The following ABLIM2 variants were observed in gnomAD, a reference collection of about 807,000 sequenced individuals.
ABLIM2 encodes actin binding LIM protein family member 2.
In ABLIM2, 53 loss-of-function variants were observed where a neutral mutation model predicts 97.7. The ratio of observed to expected loss-of-function variants is 0.54; its 90% CI spans 0.44 to 0.68. The LOEUF (loss-of-function observed/expected upper bound fraction) is 0.68, where lower values mean the gene tolerates loss of function less well. ABLIM2 is among the 30% of genes least tolerant of loss of function. The pLI, the probability that ABLIM2 is intolerant of heterozygous loss-of-function variation, is 0.00. For missense variants in ABLIM2, 835 were observed against 867.2 expected, an observed-to-expected ratio of 0.96 and a Z score of 0.47; for synonymous variants, 361 against 345.8, an observed-to-expected ratio of 1.04 and a Z score of -0.49.
chr4:8,061,593 C>T lies in ABLIM2; in HGVS notation c.676-539G>A, dbSNP rs1260738689. On this transcript the variant is annotated intron_variant, in intron 6 of 20. Coordinates refer to ENST00000447017, the MANE Select transcript of ABLIM2 (RefSeq NM_001130083.2). The surrounding 1 kb of genome is among the most constrained non-coding windows in gnomAD (Gnocchi z 4.5). ...AGTTTATTAAATTAGACTACAAATG[C>T]TAATACTGAAATAACCCAAACAAAC... Among the ~76,000 whole-genome samples the T allele has an allele frequency of 1.3e-5, 2 of 151,542 alleles. No homozygotes were observed. Among genetic ancestry groups the T allele is most frequent in the African/African-American group, 2.4e-5 (1 of 41,140 alleles).
intron 6 of ABLIM2, among the ~76,000 whole-genome samples, chr4:8,065,485 C>T (rs186804836): frequency 5.3e-5 from 8 of 152,282 alleles, no homozygotes; most frequent in Admixed American, 2.0e-4. Flanking sequence ...CAGGAGCCCT[C>T]GTGCGCTGCT....
intron 16 of ABLIM2, among the ~76,000 whole-genome samples, chr4:7,994,222 A>G (rs1751415292): frequency 2.6e-5 from 1 of 37,914 alleles, no homozygotes; most frequent in African/African-American, 6.9e-5. Context: ...AGCATTAGGT[A>G]TATCTCCCAA....
In ABLIM2 at chr4:8,095,184, G is replaced by C. The variant is rs943875679; in HGVS notation, c.338+1915C>G. Among the ~76,000 whole-genome samples, 5 of 151,654 alleles carry C rather than the reference G, an allele frequency of 3.3e-5. No individual in the cohort carries two copies. The highest frequency in any genetic ancestry group is 1.2e-4 in the African/African-American group (5 of 41,200). On this transcript the variant is annotated intron_variant, in intron 3 of 20. Coordinates refer to ENST00000447017, the MANE Select transcript of ABLIM2 (RefSeq NM_001130083.2). The surrounding 1 kb of genome is among the most constrained non-coding windows in gnomAD (Gnocchi z 4.7). ...AGTGGTGCAATCATAGCTCACTGCA[G>C]CCTCAAAATCCTGGGCCCAAGCAAT...
chr4:7,996,190 A>T lies in ABLIM2; in HGVS notation c.1619-3263T>A, dbSNP rs564214183. 5.1e-4 allele frequency among the ~76,000 whole-genome samples: 77 copies of T among 152,276 alleles called. No individual in the cohort carries two copies. The highest frequency in any genetic ancestry group is 1.7e-3 in the African/African-American group (72 of 41,572). On this transcript the variant is annotated intron_variant, in intron 16 of 20. Transcript: ENST00000447017. The surrounding 1 kb of genome is among the most constrained non-coding windows in gnomAD (Gnocchi z 4.5). The stretch of plus-strand genomic sequence containing the variant: ...TTGCCAGGGAACTCGTCAGAAATGC[A>T]AATTAGTGGGCCCTACCCTAGACCT...
Position 8,122,217 on chromosome 4 carries a change from G to A in ABLIM2, c.11-15580C>T, listed in dbSNP as rs976065242. ...CACACCAGCCTGGATGGGGAGTCTCGCTGCCCCCTGTGCATCTCCATCATA... is the reference window on the plus strand; with the variant it reads ...CACACCAGCCTGGATGGGGAGTCTCACTGCCCCCTGTGCATCTCCATCATA... On this transcript the variant is annotated intron_variant, in intron 1 of 20. Transcript: ENST00000447017. The surrounding 1 kb of genome is among the most constrained non-coding windows in gnomAD (Gnocchi z 4.1). 3.9e-5 allele frequency among the ~76,000 whole-genome samples: 6 copies of A among 152,156 alleles called. No individual in the cohort carries two copies. The highest frequency in any genetic ancestry group is 1.2e-4 in the African/African-American group (5 of 41,424).
intron 9 of ABLIM2, among the ~76,000 whole-genome samples, chr4:8,042,502 G>A (rs1199545387): frequency 6.6e-6 from 1 of 152,140 alleles, no homozygotes; most frequent in Non-Finnish European, 1.5e-5. Context: ...CACACATTTT[G>A]TCCAATCATA....
At chr4:8,007,007 A>T in intron 16 of ABLIM2, 3 of 985,146 alleles carry the variant, frequency 3.0e-6, no homozygotes, top group Non-Finnish European at 3.6e-6. Context: ...TACAGAGATC[A>T]TACACAAGCA....
chr4:8,036,057 G>A lies in ABLIM2; in HGVS notation c.1047+92C>T, dbSNP rs971353629. On this transcript the variant is annotated intron_variant, in intron 10 of 20. Coordinates refer to ENST00000447017, the MANE Select transcript of ABLIM2 (RefSeq NM_001130083.2). ...AGTGGTGAAGATGGAAGTGGCTCTGGCCCCATAGGACACATGCTAGGGATG... is the reference window on the plus strand; with the variant it reads ...AGTGGTGAAGATGGAAGTGGCTCTGACCCCATAGGACACATGCTAGGGATG... The A allele has an allele frequency of 2.7e-6, 4 of 1,464,852 alleles. No homozygotes were observed. The Admixed American group carries it at 8.6e-5, about 31-fold the overall frequency. 90.7% of individuals were successfully genotyped at this position (1,464,852 alleles called of 1,614,324 possible). A position where few individuals can be genotyped will look rare whatever the true frequency, so the allele number is the denominator to read the frequency against.
At chr4:8,031,280 C>CAGGGGCCTCTGCAGGG (rs1393378074) in intron 10 of ABLIM2, among the ~76,000 whole-genome samples, 2 of 152,234 alleles carry the variant, frequency 1.3e-5, no homozygotes, top group African/African-American at 4.8e-5. Context: ...CAGCCTGAGA[C>CAGGGGCCTCTGCAGGG]AGGGGCCTCT....
At chr4:8,006,223 G>C (rs182313390) in intron 16 of ABLIM2, among the ~76,000 whole-genome samples, 1 of 152,348 alleles carries the variant, frequency 6.6e-6, no homozygotes, top group South Asian at 2.1e-4. Flanking sequence ...AGTATCAGGG[G>C]CACGGGGGTC....
At position 8,127,067 on chromosome 4, in the gene ABLIM2, A is replaced by AG. The variant is rs1848295267; in HGVS notation, c.11-20431dup. ...GGTGACAGAGTGAGTCCCTGCCTCC[A>AG]GAAAAAAAAAAAAAAAATGCCTGCA... is the stretch of plus-strand genomic sequence containing the variant. On this transcript the variant is annotated intron_variant, in intron 1 of 20. Transcript: ENST00000447017. This position sits in a 1 kb window ranked among gnomAD's most constrained non-coding sequence, Gnocchi z 7.3. Among the ~76,000 whole-genome samples, 4 of 134,534 alleles carry AG rather than the reference A, an allele frequency of 3.0e-5. No individual in the cohort carries two copies. The highest frequency in any genetic ancestry group is 4.9e-4 in the South Asian group (2 of 4,050). 88.3% of individuals were successfully genotyped at this position (134,534 alleles called of 152,430 possible). A position where few individuals can be genotyped will look rare whatever the true frequency, so the allele number is the denominator to read the frequency against.
chr4:8,106,957 C>T (rs890460584), intron 1 of ABLIM2, among the ~76,000 whole-genome samples: 4 of 152,232 alleles, frequency 2.6e-5, no homozygotes, highest in African/African-American at 9.6e-5. Context: ...ATGAGGCCAT[C>T]ACCTCCCCAC....
At position 8,077,713 on chromosome 4, in the gene ABLIM2, A is replaced by T. The variant is rs539605118; in HGVS notation, c.590T>A (p.Leu197Gln). The T allele has an allele frequency of 1.1e-5, 17 of 1,611,632 alleles. No individual in the cohort carries two copies. The East Asian group carries it at 3.6e-4, about 34-fold the overall frequency. ...GTGATAGTCAGCTTCGCAGTAGGGC[A>T]GCCCATCCCTGCAATGAGACAGGCA... is the stretch of plus-strand genomic sequence containing the variant. ...LNAEYISKDGLPYCEADYHAK... is the reference protein window; with the variant it reads ...LNAEYISKDGQPYCEADYHAK... Residue 197 changes from leucine (L) to glutamine (Q), a missense_variant, in exon 6 of 21, where the codon CTG (leucine) becomes CAG (glutamine). Leu to Gln is a moderately radical substitution (Grantham distance 113). Coordinates refer to ENST00000447017, the MANE Select transcript of ABLIM2 (RefSeq NM_001130083.2).
chr4:7,968,282 C>G (rs1025402907), intron 20 of ABLIM2, among the ~76,000 whole-genome samples: 1 of 152,206 alleles, frequency 6.6e-6, no homozygotes, highest in Admixed American at 6.5e-5. Context: ...TGTAGTTCTG[C>G]GACACACTCC....
rs1845060180 is a variant in ABLIM2, at chr4:8,120,778, C to T, written c.11-14141G>A. 6.6e-6 allele frequency among the ~76,000 whole-genome samples: 1 copy of T among 152,214 alleles called. No homozygotes were observed. The highest frequency in any genetic ancestry group is 2.1e-4 in the South Asian group (1 of 4,834). ...TGAGACTTCACTGACTTCACCTAAC[C>T]TAGCGACCATCACAGCTCAGCCCAG... is the stretch of plus-strand genomic sequence containing the variant. On this transcript the variant is annotated intron_variant, in intron 1 of 20. Transcript: ENST00000447017. This position sits in a 1 kb window ranked among gnomAD's most constrained non-coding sequence, Gnocchi z 5.6.
At chr4:8,062,584 C>T (rs1315237590) in intron 6 of ABLIM2, among the ~76,000 whole-genome samples, 2 of 151,872 alleles carry the variant, frequency 1.3e-5, no homozygotes, top group Non-Finnish European at 2.9e-5. Flanking sequence ...GACTACAGAC[C>T]CCCACCACCA....
intron 1 of ABLIM2, among the ~76,000 whole-genome samples, chr4:8,119,324 CTTTT>C (rs71175466): frequency 1.8e-5 from 2 of 108,138 alleles, no homozygotes; most frequent in Non-Finnish European, 1.8e-5. Flanking sequence ...GGGCTTCCTT[CTTTT>C]TTTTTTTTTT....
At position 8,035,065 on chromosome 4, in the gene ABLIM2, CAGGTGAGTGGGTGGCAGGTAGGTGG is replaced by C. The variant is rs1783741719; in HGVS notation, c.1047+1059_1047+1083del. Among the ~76,000 whole-genome samples the C allele has an allele frequency of 2.8e-5, 2 of 71,834 alleles. 1 individual carries two copies. The highest frequency in any genetic ancestry group is 6.3e-5 in the Non-Finnish European group (2 of 31,820). 47.1% of individuals were successfully genotyped at this position (71,834 alleles called of 152,430 possible). On this transcript the variant is annotated intron_variant, in intron 10 of 20. Transcript: ENST00000447017. ...GTGATGGGTGGTAGGTAGGTGGGTG[CAGGTGAGTGGGTGGCAGGTAGGTGG>C]GTGCAGATGGGTGGTTGGTAGGTGG...
chr4:8,059,719 T>C (rs1801639548), intron 7 of ABLIM2, among the ~76,000 whole-genome samples: 1 of 151,754 alleles, frequency 6.6e-6, no homozygotes, highest in South Asian at 2.1e-4. Context: ...CCGACCAACA[T>C]GATGAAACCC....
Sources: allele counts gnomAD v4.1 joint callset (sites outside exome capture counted in the v4.1 genomes callset), GRCh38; gene constraint gnomAD v4.1.1; non-coding constraint Gnocchi (gnomAD v3.1); transcripts MANE v1.5; gene names NCBI Gene and HGNC (gene_info 2026-07-23, HGNC 2026-07-21).